The following KMT2A variants were observed in gnomAD, a reference collection of about 807,000 sequenced individuals.
KMT2A encodes the protein lysine methyltransferase 2A.
A neutral mutation model predicts 345.3 loss-of-function variants in KMT2A; 16 were observed. That is an observed-to-expected ratio of 0.05 (90% CI 0.03 to 0.07). The LOEUF is 0.07. Ranked by LOEUF, KMT2A falls within the 10% of genes least tolerant of loss-of-function variation. KMT2A has a pLI of 1.00. For missense variants in KMT2A, 3,272 were observed against 4,841.6 expected (o/e 0.68, Z 9.62); for synonymous variants, 1,599 against 1,778.6 (o/e 0.90, Z 2.54).
intron 1 of KMT2A, among the ~76,000 whole-genome samples, chr11:118,441,870 C>T (rs1435827578): frequency 6.6e-6 from 1 of 152,118 alleles, no homozygotes; most frequent in African/African-American, 2.4e-5. Flanking sequence ...AAACTATTCC[C>T]ATCTTGACTT....
Position 118,521,297 on chromosome 11 carries a change from C to T in KMT2A, c.11523C>T (p.Ile3841=), listed in dbSNP as rs868981356. Residue 3841 remains isoleucine (I), a synonymous_variant, in exon 35 of 36, where the codon ATC becomes ATT. Transcript: ENST00000534358. The surrounding 1 kb of genome is among the most constrained non-coding windows in gnomAD (Gnocchi z 5.3). ...TCCATCTTTGTCCTAGGTCTCCCAT[C>T]CATGGCCGGGGTCTTTTCTGTAAGA... ...KEAVGVYRSP[I]HGRGLFCKRN... 3 of 1,613,856 alleles carry T rather than the reference C, an allele frequency of 1.9e-6. No homozygotes were observed. Among genetic ancestry groups the T allele is most frequent in the Admixed American group, 3.3e-5 (2 of 59,984 alleles).
Position 118,522,315 on chromosome 11 carries a change from C to G in KMT2A, c.*143C>G. ...TGTGATGGCTGAGCTCTCTTATGTC[C>G]TATACTCACATCAGACATGTGATCA... On this transcript the variant is annotated 3_prime_UTR_variant, in exon 36 of 36. Coordinates refer to ENST00000534358, the MANE Select transcript of KMT2A (RefSeq NM_001197104.2). This position sits in a 1 kb window ranked among gnomAD's most constrained non-coding sequence, Gnocchi z 5.4. 1.4e-6 allele frequency: 1 copy of G among 705,274 alleles called. No individual in the cohort carries two copies. The highest frequency in any genetic ancestry group is 2.4e-6 in the Non-Finnish European group (1 of 422,516). 43.7% of individuals were successfully genotyped at this position (705,274 alleles called of 1,614,324 possible).
At chr11:118,457,171 A>T (rs1949659788) in intron 1 of KMT2A, among the ~76,000 whole-genome samples, 1 of 151,142 alleles carries the variant, frequency 6.6e-6, no homozygotes, top group African/African-American at 2.4e-5. Flanking sequence ...AATCTGCTAT[A>T]GCCTTCAGGA....
chr11:118,500,830 C>T, intron 24 of KMT2A, 157 bp from the exon 25 acceptor site: 3 of 453,328 alleles, frequency 6.6e-6, no homozygotes, highest in Non-Finnish European at 1.2e-5. Context: ...CTTGGAACAA[C>T]CTAACTAGGG....
Position 118,509,970 on chromosome 11 carries a change from G to C in KMT2A, c.10923G>C (p.Glu3641Asp). Residue 3641 changes from glutamate to aspartate, a missense_variant, in exon 30 of 36, where the codon GAG becomes GAC. Coordinates refer to ENST00000534358, the MANE Select transcript of KMT2A (RefSeq NM_001197104.2). ...TAGAACCTAAAACAGTGGAAGAAGA[G>C]GAAAGTAATTTCAGCTCCCCACTGA... is the stretch of plus-strand genomic sequence containing the variant. ...ESAEPKTVEE[E>D]ESNFSSPLML... The C allele has an allele frequency of 6.2e-7, 1 of 1,610,892 alleles. No homozygotes were observed. Among genetic ancestry groups the C allele is most frequent in the South Asian group, 1.1e-5 (1 of 90,596 alleles).
Position 118,493,138 on chromosome 11 carries a change from G to C in KMT2A, c.5086G>C (p.Val1696Leu). 1.2e-6 allele frequency: 2 copies of C among 1,614,102 alleles called. No individual in the cohort carries two copies. Among genetic ancestry groups the C allele is most frequent in the Non-Finnish European group, 1.7e-6 (2 of 1,179,990 alleles). The change falls in exon 16 of 36, where the codon GTT (valine) becomes CTT (leucine). Residue 1696 changes from valine to leucine, a missense_variant. Physicochemically the swap from Val to Leu is conservative, Grantham distance 32. Transcript: ENST00000534358. This position sits in a 1 kb window ranked among gnomAD's most constrained non-coding sequence, Gnocchi z 5.8. Reference sequence around the variant, plus strand: ...CTCCCCCGAAGGACCTGATCCACCAGTTCTTACTGAGGTCAGCAAACAGGA... The same window carrying C: ...CTCCCCCGAAGGACCTGATCCACCACTTCTTACTGAGGTCAGCAAACAGGA... ...RSSPEGPDPP[V>L]LTEVSKQDDQ...
In KMT2A at chr11:118,521,241, C is replaced by T; in HGVS notation, c.11514-47C>T. 1 of 1,606,280 alleles carries T rather than the reference C, an allele frequency of 6.2e-7. No homozygotes were observed. The highest frequency in any genetic ancestry group is 8.5e-7 in the Non-Finnish European group (1 of 1,174,394). On this transcript the variant is annotated intron_variant, in intron 34 of 35. Transcript: ENST00000534358. The surrounding 1 kb of genome is among the most constrained non-coding windows in gnomAD (Gnocchi z 5.3). Reference sequence around the variant, plus strand: ...TTATTCATGTATTCACGCACTTAACCTTACTTGCAAAATTTGTGTCTGACC... The same window carrying T: ...TTATTCATGTATTCACGCACTTAACTTTACTTGCAAAATTTGTGTCTGACC...
At position 118,522,438 on chromosome 11, in the gene KMT2A, G is replaced by A; in HGVS notation, c.*266G>A. 2.3e-6 allele frequency: 1 copy of A among 439,792 alleles called. No homozygotes were observed. The allele number at this position is 439,792 out of a possible 1,614,324, so 27.2% of individuals were successfully genotyped here. A position where few individuals can be genotyped will look rare whatever the true frequency, so the allele number is the denominator to read the frequency against. On this transcript the variant is annotated 3_prime_UTR_variant, in exon 36 of 36. Coordinates refer to ENST00000534358, the MANE Select transcript of KMT2A (RefSeq NM_001197104.2). This position sits in a 1 kb window ranked among gnomAD's most constrained non-coding sequence, Gnocchi z 5.4. ...GTTTACTGTTAGAAAGTGGGAATGGGGTCCCTAGCAGACTTGCCTGGAAGG... is the reference window on the plus strand; with the variant it reads ...GTTTACTGTTAGAAAGTGGGAATGGAGTCCCTAGCAGACTTGCCTGGAAGG...
rs144742133 is a variant in KMT2A, at chr11:118,521,986, G to A, written c.11733G>A (p.Ser3911=). The change falls in exon 36 of 36, where the codon TCG becomes TCA. Residue 3911 remains serine (S), a synonymous_variant. Transcript: ENST00000534358. This position sits in a 1 kb window ranked among gnomAD's most constrained non-coding sequence, Gnocchi z 5.3. ...HGNAARFINH[S]CEPNCYSRVI... Reference sequence around the variant, plus strand: ...ATGCTGCACGCTTCATCAATCACTCGTGTGAGCCTAACTGCTATTCTCGGG... The same window carrying A: ...ATGCTGCACGCTTCATCAATCACTCATGTGAGCCTAACTGCTATTCTCGGG... The A allele has an allele frequency of 1.2e-5, 20 of 1,614,066 alleles. No homozygotes were observed. The highest frequency in any genetic ancestry group is 3.3e-4 in the Middle Eastern group (2 of 6,084).
At position 118,503,408 on chromosome 11, in the gene KMT2A, A is replaced by T. The variant is rs370745462; in HGVS notation, c.7516A>T (p.Met2506Leu). ...GCCAGGAGTCCCCAAAGCTCCACCC[A>T]TGCAAGTAGAAGGATCTGCCAAGGA... ...SMPGVPKAPP[M>L]QVEGSAKELQ... The change falls in exon 27 of 36, where the codon ATG becomes TTG. Residue 2506 changes from methionine to leucine, a missense_variant. By Grantham distance (15) the Met-to-Leu change is conservative. Transcript: ENST00000534358. The surrounding 1 kb of genome is among the most constrained non-coding windows in gnomAD (Gnocchi z 5.3). 4 of 1,614,010 alleles carry T rather than the reference A, an allele frequency of 2.5e-6. No individual in the cohort carries two copies. The African/African-American group carries it at 5.3e-5, about 22-fold the overall frequency.
At position 118,506,347 on chromosome 11, in the gene KMT2A, C is replaced by G. The variant is rs1191067366; in HGVS notation, c.10455C>G (p.Asn3485Lys). The change falls in exon 27 of 36, where the codon AAC becomes AAG. Residue 3485 changes from asparagine to lysine, a missense_variant. This residue lies in a region of KMT2A where 748 missense variants were observed against 922.2 expected (regional missense o/e 0.81). Transcript: ENST00000534358. ...CTGCTTCAGGGCCCCAGGTATCCAACTTTACCCAGACGGTAGACGCTCCTA... is the reference window on the plus strand; with the variant it reads ...CTGCTTCAGGGCCCCAGGTATCCAAGTTTACCCAGACGGTAGACGCTCCTA... Reference protein sequence around the residue: ...LDSASGPQVSNFTQTVDAPNS... With the variant: ...LDSASGPQVSKFTQTVDAPNS... 5.6e-6 allele frequency: 9 copies of G among 1,614,076 alleles called. No individual in the cohort carries two copies. Among genetic ancestry groups the G allele is most frequent in the Non-Finnish European group, 7.6e-6 (9 of 1,180,044 alleles).
At position 118,495,185 on chromosome 11, in the gene KMT2A, A is replaced by C. The variant is rs1315225480; in HGVS notation, c.5363+418A>C. ...ATTTATTTTTTTTTTTTTGAGACGGAGTCTCGTTCTGTCACCAGGCTGGAG... is the reference window on the plus strand; with the variant it reads ...ATTTATTTTTTTTTTTTTGAGACGGCGTCTCGTTCTGTCACCAGGCTGGAG... On this transcript the variant is annotated intron_variant, in intron 18 of 35. Coordinates refer to ENST00000534358, the MANE Select transcript of KMT2A (RefSeq NM_001197104.2). This position sits in a 1 kb window ranked among gnomAD's most constrained non-coding sequence, Gnocchi z 4.1. Among the ~76,000 whole-genome samples, 3 of 148,428 alleles carry C rather than the reference A, an allele frequency of 2.0e-5. No homozygotes were observed. The highest frequency in any genetic ancestry group is 4.4e-5 in the Non-Finnish European group (3 of 67,480).
intron 25 of KMT2A, 151 bp downstream of exon 25, chr11:118,501,298 A>G: frequency 1.5e-6 from 1 of 677,312 alleles, no homozygotes; most frequent in Non-Finnish European, 2.4e-6. Flanking sequence ...TCTCTACTAA[A>G]AATACAAAAA....
chr11:118,459,711 G>A (rs1179669656), intron 1 of KMT2A, among the ~76,000 whole-genome samples: 1 of 151,950 alleles, frequency 6.6e-6, no homozygotes, highest in Admixed American at 6.6e-5. Flanking sequence ...CGTTGCCCAG[G>A]CTGGAGTACA....
In KMT2A at chr11:118,512,043, T is replaced by C. The variant is rs1555050269; in HGVS notation, c.11146+18T>C. 1 of 1,603,066 alleles carries C rather than the reference T, an allele frequency of 6.2e-7. No individual in the cohort carries two copies. The highest frequency in any genetic ancestry group is 1.7e-5 in the Admixed American group (1 of 59,938). On this transcript the variant is annotated intron_variant, in intron 31 of 35. Transcript: ENST00000534358. The stretch of plus-strand genomic sequence containing the variant: ...ATTTGCAGGTAATGGCTGGAGGTGT[T>C]ATTCCACTCCTGTCTCAGAATATTA...
intron 1 of KMT2A, among the ~76,000 whole-genome samples, chr11:118,455,080 C>T (rs1555030365): frequency 6.6e-6 from 1 of 152,118 alleles, no homozygotes; most frequent in Non-Finnish European, 1.5e-5. Flanking sequence ...CAGGTTGGAG[C>T]GCAGTGGCTC....
At chr11:118,474,457 C>A in intron 3 of KMT2A, 142 bp downstream of exon 3, 2 of 1,018,672 alleles carry the variant, frequency 2.0e-6, no homozygotes, top group Non-Finnish European at 2.8e-6. Context: ...TGCAGTAGTC[C>A]TTCAAGGACC....
Position 118,473,339 on chromosome 11 carries a change from C to G in KMT2A, c.2180C>G (p.Ser727Cys). 1 of 1,613,924 alleles carries G rather than the reference C, an allele frequency of 6.2e-7. No homozygotes were observed. The highest frequency in any genetic ancestry group is 8.5e-7 in the Non-Finnish European group (1 of 1,179,956). Reference protein sequence around the residue: ...LPSNRTSAGTSSSGVSNRKRK... With the variant: ...LPSNRTSAGTCSSGVSNRKRK... Reference sequence around the variant, plus strand: ...AGTAATCGAACTTCTGCTGGAACATCTTCTTCAGGAGTATCCAATAGAAAA... The same window carrying G: ...AGTAATCGAACTTCTGCTGGAACATGTTCTTCAGGAGTATCCAATAGAAAA... Residue 727 changes from serine (S) to cysteine (C), a missense_variant, in exon 3 of 36, where the codon TCT (serine) becomes TGT (cysteine). Physicochemically the swap from Ser to Cys is moderately radical, Grantham distance 112. Coordinates refer to ENST00000534358, the MANE Select transcript of KMT2A (RefSeq NM_001197104.2). The surrounding 1 kb of genome is among the most constrained non-coding windows in gnomAD (Gnocchi z 5.2).
At chr11:118,511,048 G>C (rs1388076988) in intron 30 of KMT2A, among the ~76,000 whole-genome samples, 2 of 152,180 alleles carry the variant, frequency 1.3e-5, no homozygotes, top group Non-Finnish European at 2.9e-5. Flanking sequence ...ATAGGGCACA[G>C]GTTTTAGAGG....
Sources: gnomAD v4.1 joint callset for allele counts (sites outside exome capture counted in the v4.1 genomes callset) on GRCh38, gnomAD v4.1.1 for gene constraint, gnomAD v4.1.1 regional missense constraint, Gnocchi (gnomAD v3.1) non-coding constraint, MANE v1.5 for transcripts, NCBI Gene and HGNC (gene_info 2026-07-23, HGNC 2026-07-21) for gene names.